The following PTPRD variants were observed in gnomAD, a reference collection of about 807,000 sequenced individuals.
PTPRD encodes the protein protein tyrosine phosphatase receptor type D.
PTPRD carries 34 observed loss-of-function variants against 214.5 expected under a neutral mutation model. The observed-to-expected ratio is 0.16, with a 90% CI of 0.12 to 0.21. The LOEUF (loss-of-function observed/expected upper bound fraction) is 0.21, where lower values mean the gene tolerates loss of function less well. PTPRD is among the 10% of genes least tolerant of loss of function. The probability of loss-of-function intolerance (pLI) is 1.00; values close to 1 mark genes in which losing one functional copy is unlikely to be tolerated. For synonymous variants in PTPRD, 1,128 were observed against 845.7 expected (o/e 1.33, Z -5.79); for missense variants, 2,545 against 2,398.7 (o/e 1.06, Z -1.27).
At chr9:9,019,970 T>A (rs405119) in intron 10 of PTPRD, among the ~76,000 whole-genome samples, 49,324 of 151,894 alleles carry the variant, frequency 0.32, 8,620 homozygotes, top group African/African-American at 0.44. Context: ...ATTAATTCAT[T>A]TGTGTAAATT....
At chr9:8,678,021 T>C (rs1200427990) in intron 12 of PTPRD, among the ~76,000 whole-genome samples, 1 of 152,160 alleles carries the variant, frequency 6.6e-6, no homozygotes, top group Non-Finnish European at 1.5e-5. Flanking sequence ...CTATCTCTGC[T>C]GACAGCTTCT....
chr9:9,690,464 T>C (rs1234617152), intron 7 of PTPRD, among the ~76,000 whole-genome samples: 2 of 151,982 alleles, frequency 1.3e-5, no homozygotes, highest in East Asian at 1.9e-4. Context: ...TTACCTTTAC[T>C]GTGCAGAAGA....
chr9:8,890,499 C>T (rs902047788), intron 11 of PTPRD, among the ~76,000 whole-genome samples: 26 of 152,330 alleles, frequency 1.7e-4, no homozygotes, highest in Admixed American at 9.1e-4. Context: ...ACCAGCTAGA[C>T]TTCATCTTTT....
chr9:8,348,865 CTT>C (rs773515034), intron 39 of PTPRD, among the ~76,000 whole-genome samples: 2 of 152,110 alleles, frequency 1.3e-5, no homozygotes, highest in African/African-American at 4.8e-5. Flanking sequence ...TCCTTGGACT[CTT>C]TTGACAATTT....
intron 10 of PTPRD, among the ~76,000 whole-genome samples, chr9:9,020,221 G>T (rs2099559627): frequency 6.6e-6 from 1 of 152,084 alleles, no homozygotes; most frequent in Non-Finnish European, 1.5e-5. Context: ...CCTTAATAAA[G>T]CTCTAAAAAA....
intron 11 of PTPRD, among the ~76,000 whole-genome samples, chr9:9,005,052 C>T (rs1259213602): frequency 1.3e-5 from 2 of 152,036 alleles, no homozygotes; most frequent in African/African-American, 4.8e-5. Context: ...TCTCTTTATG[C>T]CCTCTAGTGC....
chr9:8,661,809 A>G lies in PTPRD; in HGVS notation c.65-24965T>C, dbSNP rs1272979161. ...CCTATGCAGTTATAGTAAAGTAAAA[A>G]TGAAAAATCTCCTCCTGGTTAATTC... is the stretch of plus-strand genomic sequence containing the variant. On this transcript the variant is annotated intron_variant, in intron 12 of 45. Coordinates refer to ENST00000381196, the MANE Select transcript of PTPRD (RefSeq NM_002839.4). Among the ~76,000 whole-genome samples, 9 of 152,240 alleles carry G rather than the reference A, an allele frequency of 5.9e-5. No individual in the cohort carries two copies. The East Asian group carries it at 1.7e-3, about 29-fold the overall frequency.
chr9:9,402,124 C>A (rs1445171122), intron 8 of PTPRD, among the ~76,000 whole-genome samples: 1 of 151,938 alleles, frequency 6.6e-6, no homozygotes, highest in African/African-American at 2.4e-5. Context: ...ATATTGTAAA[C>A]CGACAGTAAA....
At chr9:10,355,666 C>T (rs1392632565) in intron 2 of PTPRD, among the ~76,000 whole-genome samples, 14 of 151,840 alleles carry the variant, frequency 9.2e-5, no homozygotes, top group African/African-American at 2.7e-4. Context: ...TTAGTAGAGA[C>T]GGGGTTTCAC....
chr9:9,734,307 A>G (rs2098253983), intron 7 of PTPRD, among the ~76,000 whole-genome samples: 1 of 152,096 alleles, frequency 6.6e-6, no homozygotes, highest in South Asian at 2.1e-4. Flanking sequence ...TGTTCTTCTA[A>G]CCCATGAAGT....
intron 9 of PTPRD, among the ~76,000 whole-genome samples, chr9:9,385,592 T>C (rs2063626800): frequency 6.6e-6 from 1 of 152,174 alleles, no homozygotes; most frequent in Non-Finnish European, 1.5e-5. Context: ...AGCTACTCTG[T>C]GGCATGGCTA....
intron 7 of PTPRD, among the ~76,000 whole-genome samples, chr9:9,576,625 T>C (rs2088918056): frequency 6.6e-6 from 1 of 152,142 alleles, no homozygotes; most frequent in Admixed American, 6.6e-5. Flanking sequence ...CAAATTAAAT[T>C]TTGGTTAAAT....
chr9:8,534,132 A>G (rs2076349918), intron 14 of PTPRD, among the ~76,000 whole-genome samples: 1 of 152,022 alleles, frequency 6.6e-6, no homozygotes, highest in African/African-American at 2.4e-5. Context: ...CTTTTAATTT[A>G]TCACGGTTGC....
At chr9:8,373,898 CTATCTATCTAT>C (rs1564368898) in intron 39 of PTPRD, among the ~76,000 whole-genome samples, 2 of 109,956 alleles carry the variant, frequency 1.8e-5, no homozygotes, top group Admixed American at 9.6e-5. Context: ...ATCTATCTAT[CTATCTATCTAT>C]CTATCTACCT....
rs2097245225 is a variant in PTPRD, at chr9:9,690,234, A to G, written c.-287+44299T>C. Among the ~76,000 whole-genome samples, 2 of 151,890 alleles carry G rather than the reference A, an allele frequency of 1.3e-5. 1 individual carries two copies. The highest frequency in any genetic ancestry group is 4.1e-4 in the South Asian group (2 of 4,830). The stretch of plus-strand genomic sequence containing the variant: ...AGTTTTGATTTGTATTTCTCTGATG[A>G]TCAATGATGTTGATCACCTTTTTAT... On this transcript the variant is annotated intron_variant, in intron 7 of 45. Transcript: ENST00000381196.
At chr9:8,526,276 A>AAAG (rs1360192469) in intron 17 of PTPRD, among the ~76,000 whole-genome samples, 1 of 151,586 alleles carries the variant, frequency 6.6e-6, no homozygotes, top group Non-Finnish European at 1.5e-5. Context: ...AGAAGAAAAA[A>AAAG]AAAAAGAAAA....
At chr9:8,592,776 T>G (rs185779613) in intron 14 of PTPRD, among the ~76,000 whole-genome samples, 1 of 152,202 alleles carries the variant, frequency 6.6e-6, no homozygotes, top group Non-Finnish European at 1.5e-5. Flanking sequence ...AACAAATAAT[T>G]GTAATATAAC....
At chr9:9,973,547 C>G (rs2095233349) in intron 4 of PTPRD, among the ~76,000 whole-genome samples, 1 of 151,900 alleles carries the variant, frequency 6.6e-6, no homozygotes, top group Admixed American at 6.6e-5. Flanking sequence ...AGAAAATTGC[C>G]TTAATTCCTC....
chr9:8,587,042 C>A (rs188583200), intron 14 of PTPRD, among the ~76,000 whole-genome samples: 3 of 151,964 alleles, frequency 2.0e-5, no homozygotes, highest in African/African-American at 7.2e-5. Context: ...CCCAGCTACT[C>A]GGGAGGCTGA....
Sources: gnomAD v4.1 joint callset for allele counts (sites outside exome capture counted in the v4.1 genomes callset) on GRCh38, gnomAD v4.1.1 for gene constraint, MANE v1.5 for transcripts, NCBI Gene and HGNC (gene_info 2026-07-23, HGNC 2026-07-21) for gene names.